The following RSU1 variants were observed in gnomAD, a reference collection of about 807,000 sequenced individuals.
RSU1 encodes rsu-1.
RSU1 carries 26 observed loss-of-function variants against 31.1 expected under a neutral mutation model. The ratio of observed to expected loss-of-function variants is 0.84; its 90% confidence interval spans 0.61 to 1.16. The LOEUF (loss-of-function observed/expected upper bound fraction) is 1.16, where lower values mean the gene tolerates loss of function less well. Among genes scored for constraint, RSU1 ranks in the 50% most tolerant of loss-of-function variants. RSU1 has a pLI of 0.00. For synonymous variants in RSU1, 164 were observed against 136.3 expected (o/e 1.20, Z -1.41); for missense variants, 320 against 339.1 (o/e 0.94, Z 0.44).
chr10:16,771,235 C>A (rs866176851), intron 3 of RSU1, among the ~76,000 whole-genome samples: 1 of 152,026 alleles, frequency 6.6e-6, no homozygotes, highest in African/African-American at 2.4e-5. Context: ...AGGGATGGAC[C>A]ATTTATGAGA....
chr10:16,605,712 T>G (rs945243383), intron 8 of RSU1, among the ~76,000 whole-genome samples: 1 of 152,206 alleles, frequency 6.6e-6, no homozygotes, highest in African/African-American at 2.4e-5. Flanking sequence ...AGGCAAGTGT[T>G]CCCGTCTTTG....
chr10:16,712,975 C>T (rs1355423896), intron 7 of RSU1, among the ~76,000 whole-genome samples: 1 of 152,146 alleles, frequency 6.6e-6, no homozygotes, highest in African/African-American at 2.4e-5. Flanking sequence ...ATATAATATT[C>T]TTGGCTGACA....
intron 2 of RSU1, among the ~76,000 whole-genome samples, chr10:16,804,974 A>C (rs572426499): frequency 2.0e-5 from 3 of 152,288 alleles, no homozygotes; most frequent in Non-Finnish European, 2.9e-5. Flanking sequence ...TGTTAGCTAT[A>C]AGCTTTAGTT....
At chr10:16,612,205 G>A (rs1032227203) in intron 8 of RSU1, among the ~76,000 whole-genome samples, 26 of 152,182 alleles carry the variant, frequency 1.7e-4, no homozygotes, top group African/African-American at 5.5e-4. Context: ...CAACGTTTTA[G>A]ACAAAACACT....
At chr10:16,778,415 T>C (rs1208306559) in intron 3 of RSU1, among the ~76,000 whole-genome samples, 3 of 152,078 alleles carry the variant, frequency 2.0e-5, no homozygotes, top group Admixed American at 2.0e-4. Context: ...ACATACCTCC[T>C]GGGAGCAATG....
chr10:16,689,096 A>G (rs890216723), intron 8 of RSU1, among the ~76,000 whole-genome samples: 8 of 152,074 alleles, frequency 5.3e-5, no homozygotes, highest in Non-Finnish European at 8.8e-5. Context: ...GCTTAATTTG[A>G]GCTATTTTCA....
Position 16,595,409 on chromosome 10 carries a change from G to A in RSU1, c.732-1913C>T, listed in dbSNP as rs912670813. 5.3e-5 allele frequency among the ~76,000 whole-genome samples: 8 copies of A among 152,270 alleles called. No homozygotes were observed. In the East Asian group the frequency reaches 1.2e-3, roughly 22 times the overall value. On this transcript the variant is annotated intron_variant, in intron 8 of 8. Coordinates refer to ENST00000345264, the MANE Select transcript of RSU1 (RefSeq NM_012425.4). ...GGCGGTACAAGCAGGTTCCATCGGC[G>A]GTCACTCTCACGGAGTGTAGAACAC... is the stretch of plus-strand genomic sequence containing the variant.
chr10:16,652,160 G>A (rs951620656), intron 8 of RSU1, among the ~76,000 whole-genome samples: 3 of 152,096 alleles, frequency 2.0e-5, no homozygotes, highest in African/African-American at 7.2e-5. Flanking sequence ...TAAAGGTTGT[G>A]CTAAACTGTA....
rs561249981 is a variant in RSU1, at chr10:16,777,437, C to T, written c.160+4597G>A. 3.3e-5 allele frequency among the ~76,000 whole-genome samples: 5 copies of T among 152,238 alleles called. No individual in the cohort carries two copies. In the East Asian group the frequency reaches 7.7e-4, roughly 24 times the overall value. ...ATTTTCATGGTAGGAGAACAAAAAA[C>T]ACAGCATACCTCCTTCTATAAGGAT... is the stretch of plus-strand genomic sequence containing the variant. On this transcript the variant is annotated intron_variant, in intron 3 of 8. Coordinates refer to ENST00000345264, the MANE Select transcript of RSU1 (RefSeq NM_012425.4).
At chr10:16,752,375 A>C in intron 7 of RSU1, 164 bp downstream of exon 7, 3 of 571,772 alleles carry the variant, frequency 5.2e-6, no homozygotes. Flanking sequence ...CAAACCTGTA[A>C]CAGCTAACTC....
intron 8 of RSU1, among the ~76,000 whole-genome samples, chr10:16,685,146 A>G (rs1456448309): frequency 6.6e-6 from 1 of 152,200 alleles, no homozygotes; most frequent in African/African-American, 2.4e-5. Context: ...GGTACTCGGG[A>G]GACCGAGGCA....
intron 8 of RSU1, among the ~76,000 whole-genome samples, chr10:16,647,856 C>A (rs1333859043): frequency 6.6e-6 from 1 of 152,104 alleles, no homozygotes; most frequent in Non-Finnish European, 1.5e-5. Context: ...TTAAAAAAAA[C>A]TCCACCACCA....
chr10:16,647,146 A>G (rs1240240635), intron 8 of RSU1, among the ~76,000 whole-genome samples: 2 of 151,962 alleles, frequency 1.3e-5, no homozygotes, highest in East Asian at 1.9e-4. Flanking sequence ...CTCATTTTTT[A>G]TATTTTAAGT....
chr10:16,654,900 A>T (rs904950276), intron 8 of RSU1, among the ~76,000 whole-genome samples: 2 of 150,734 alleles, frequency 1.3e-5, no homozygotes, highest in South Asian at 2.1e-4. Context: ...TTCTACAAAA[A>T]TTTTTTTTTG....
At chr10:16,602,421 T>A (rs1833728497) in intron 8 of RSU1, among the ~76,000 whole-genome samples, 1 of 152,216 alleles carries the variant, frequency 6.6e-6, no homozygotes, top group Admixed American at 6.5e-5. Context: ...CTTAGCAGCT[T>A]GAGGCTCCGA....
In RSU1 at chr10:16,651,891, ATAAAG is replaced by A. The variant is rs561588914; in HGVS notation, c.731+43127_731+43131del. On this transcript the variant is annotated intron_variant, in intron 8 of 8. Transcript: ENST00000345264. ...ATGTGTTTGCCAAGAGGAAAACAAA[ATAAAG>A]TAAGTAAATGAAATATTTATTTCTA... 9.8e-5 allele frequency among the ~76,000 whole-genome samples: 15 copies of A among 152,392 alleles called. No individual in the cohort carries two copies. In the East Asian group the frequency reaches 2.3e-3, roughly 23 times the overall value.
intron 8 of RSU1, among the ~76,000 whole-genome samples, chr10:16,646,059 T>TACAC (rs1378224147): frequency 3.2e-5 from 1 of 31,462 alleles, no homozygotes; most frequent in East Asian, 1.1e-3. Context: ...TGTATATATA[T>TACAC]ATACACACAC....
chr10:16,629,150 AGGAATTGCCTGG>A (rs1834206458), intron 8 of RSU1, among the ~76,000 whole-genome samples: 1 of 152,120 alleles, frequency 6.6e-6, no homozygotes, highest in Non-Finnish European at 1.5e-5. Flanking sequence ...CAGTGTGCAT[AGGAATTGCCTGG>A]GGACCCTGTG....
intron 7 of RSU1, among the ~76,000 whole-genome samples, chr10:16,697,979 G>C (rs913829728): frequency 7.2e-6 from 1 of 138,138 alleles, no homozygotes; most frequent in East Asian, 2.3e-4. Flanking sequence ...GTGATTGCAG[G>C]AACACACCTT....
Sources: gnomAD v4.1 joint callset for allele counts (sites outside exome capture counted in the v4.1 genomes callset) on GRCh38, gnomAD v4.1.1 for gene constraint, MANE v1.5 for transcripts, NCBI Gene and HGNC (gene_info 2026-07-23, HGNC 2026-07-21) for gene names.